IL20RA: variants seen among roughly 807,000 people sequenced by gnomAD.
IL20RA encodes the protein interleukin 20 receptor subunit alpha.
IL20RA carries 29 observed loss-of-function variants against 36.5 expected under a neutral mutation model. The ratio of observed to expected loss-of-function variants is 0.79; its 90% CI spans 0.59 to 1.08. IL20RA has a LOEUF of 1.08. Ranked by LOEUF, IL20RA falls within the 50% of genes least tolerant of loss-of-function variation. IL20RA has a pLI of 0.00. For missense variants in IL20RA, 652 were observed against 668.4 expected (o/e 0.98, Z 0.27); for synonymous variants, 279 against 267.1 (o/e 1.04, Z -0.43).
Position 137,001,820 on chromosome 6 carries a change from G to T in IL20RA, c.1400C>A (p.Ser467Ter). Reference protein sequence around the residue: ...LDPLAQEHTDSEEGPEEEPST... With the variant: ...LDPLAQEHTD Reference sequence around the variant, plus strand: ...TGGCTCTTCCTCCGGCCCCTCCTCCGAGTCTGTGTGCTCCTGCGCCAGGGG... The same window carrying T: ...TGGCTCTTCCTCCGGCCCCTCCTCCTAGTCTGTGTGCTCCTGCGCCAGGGG... Residue 467 changes from serine to a stop codon, truncating the protein, a stop_gained, in exon 7 of 7, where the codon TCG becomes TAG. Transcript: ENST00000316649. LOFTEE classifies it low-confidence loss of function (END_TRUNC). 8 of 1,613,468 alleles carry T rather than the reference G, an allele frequency of 5.0e-6. No homozygotes were observed. The South Asian group carries it at 8.8e-5, about 18-fold the overall frequency.
chr6:137,024,751 T>C lies in IL20RA; in HGVS notation c.89-7648A>G, dbSNP rs564032106. Among the ~76,000 whole-genome samples the C allele has an allele frequency of 9.2e-5, 14 of 152,342 alleles. No individual in the cohort carries two copies. The East Asian group carries it at 2.3e-3, about 25-fold the overall frequency. Reference sequence around the variant, plus strand: ...CCCTTGGTTTTCCATGTGTGCATCATTGAATAAATACTGGCTTGTGCTATT... The same window carrying C: ...CCCTTGGTTTTCCATGTGTGCATCACTGAATAAATACTGGCTTGTGCTATT... On this transcript the variant is annotated intron_variant, in intron 1 of 6. Transcript: ENST00000316649.
chr6:137,009,589 A>G, intron 3 of IL20RA, 97 bp from the exon 4 acceptor site: 1 of 585,516 alleles, frequency 1.7e-6, no homozygotes, highest in Non-Finnish European at 2.9e-6. Flanking sequence ...GCCCTAAAAG[A>G]CATCCTTTTT....
At chr6:137,017,515 G>T (rs1376967003) in intron 1 of IL20RA, among the ~76,000 whole-genome samples, 13 of 152,092 alleles carry the variant, frequency 8.5e-5, no homozygotes, top group Non-Finnish European at 1.5e-5. Flanking sequence ...GAATCATCTG[G>T]CAGAGCCCCA....
At chr6:137,021,415 A>G (rs1775898937) in intron 1 of IL20RA, among the ~76,000 whole-genome samples, 1 of 151,962 alleles carries the variant, frequency 6.6e-6, no homozygotes, top group Non-Finnish European at 1.5e-5. Flanking sequence ...CTGTAACCCC[A>G]GCACTTTGGG....
At chr6:137,010,538 C>T (rs926416141) in intron 3 of IL20RA, among the ~76,000 whole-genome samples, 6 of 152,122 alleles carry the variant, frequency 3.9e-5, no homozygotes, top group African/African-American at 9.7e-5. Flanking sequence ...ACCTCTGATC[C>T]GGAAGGGCTC....
intron 2 of IL20RA, among the ~76,000 whole-genome samples, chr6:137,012,192 C>T (rs992103050): frequency 2.6e-5 from 4 of 152,048 alleles, no homozygotes; most frequent in African/African-American, 9.7e-5. Context: ...GCCTAGGGAA[C>T]AGCTGAGAGG....
At chr6:137,008,837 C>T in intron 4 of IL20RA, 94 bp from the exon 5 acceptor site, 1 of 595,834 alleles carries the variant, frequency 1.7e-6, no homozygotes, top group East Asian at 4.4e-5. Context: ...GACCAAGGCA[C>T]CATTTAATTC....
intron 6 of IL20RA, among the ~76,000 whole-genome samples, chr6:137,002,879 T>C (rs1216118480): frequency 6.6e-6 from 1 of 152,186 alleles, no homozygotes; most frequent in African/African-American, 2.4e-5. Context: ...TGAGCAGGGA[T>C]GGTTTTTACC....
intron 5 of IL20RA, 35 bp downstream of exon 5, chr6:137,008,564 C>G (rs761046787): frequency 1.3e-6 from 2 of 1,546,512 alleles, no homozygotes; most frequent in Non-Finnish European, 1.7e-6. Context: ...TAGCAGATCT[C>G]CTTCCTAGAC....
chr6:137,032,742 T>C lies in IL20RA; in HGVS notation c.88+11899A>G, dbSNP rs1776341669. 2.0e-5 allele frequency among the ~76,000 whole-genome samples: 3 copies of C among 152,206 alleles called. No homozygotes were observed. In the South Asian group the frequency reaches 6.2e-4, roughly 32 times the overall value. On this transcript the variant is annotated intron_variant, in intron 1 of 6. Coordinates refer to ENST00000316649, the MANE Select transcript of IL20RA (RefSeq NM_014432.4). ...CAATCACACACCAGGAAGATAGAAG[T>C]GTTCGGTAGCCATCAAGAACACTAT...
At chr6:137,040,930 C>A (rs1482553203) in intron 1 of IL20RA, among the ~76,000 whole-genome samples, 3 of 152,134 alleles carry the variant, frequency 2.0e-5, no homozygotes, top group African/African-American at 7.2e-5. Flanking sequence ...ATTTATTAGT[C>A]ACACAGTGAA....
At chr6:137,035,374 A>C (rs1582840427) in intron 1 of IL20RA, among the ~76,000 whole-genome samples, 1 of 152,222 alleles carries the variant, frequency 6.6e-6, no homozygotes, top group Non-Finnish European at 1.5e-5. Context: ...AGTTTAAAGG[A>C]CCTTCCTATA....
chr6:137,011,545 G>T, intron 2 of IL20RA, 93 bp from the exon 3 acceptor site: 1 of 806,194 alleles, frequency 1.2e-6, no homozygotes, highest in Non-Finnish European at 1.8e-6. Context: ...TGGAACTGAC[G>T]ACCTTCTCTT....
chr6:137,027,846 C>T (rs963383767), intron 1 of IL20RA, among the ~76,000 whole-genome samples: 5 of 152,116 alleles, frequency 3.3e-5, no homozygotes, highest in East Asian at 1.9e-4. Flanking sequence ...ACAGGGCTCT[C>T]GCCTGGGATA....
intron 1 of IL20RA, among the ~76,000 whole-genome samples, chr6:137,019,060 G>A (rs1582827739): frequency 6.6e-6 from 1 of 152,118 alleles, no homozygotes; most frequent in African/African-American, 2.4e-5. Context: ...AGATAGTATA[G>A]TCCAGGCATA....
intron 1 of IL20RA, among the ~76,000 whole-genome samples, chr6:137,027,063 A>G (rs1776115600): frequency 1.3e-5 from 2 of 151,774 alleles, no homozygotes; most frequent in African/African-American, 4.8e-5. Context: ...TTGTATTTTT[A>G]GTGAGATGGG....
At chr6:137,033,315 T>A (rs1776364172) in intron 1 of IL20RA, among the ~76,000 whole-genome samples, 1 of 152,252 alleles carries the variant, frequency 6.6e-6, no homozygotes, top group Non-Finnish European at 1.5e-5. Flanking sequence ...ACCCTAATTC[T>A]GGGATGATTT....
chr6:137,031,577 T>C (rs1383199896), intron 1 of IL20RA, among the ~76,000 whole-genome samples: 1 of 152,208 alleles, frequency 6.6e-6, no homozygotes, highest in Non-Finnish European at 1.5e-5. Context: ...AGGTGTGTAG[T>C]GGTAGGCTAT....
At chr6:137,041,445 A>G (rs1776689282) in intron 1 of IL20RA, among the ~76,000 whole-genome samples, 1 of 152,176 alleles carries the variant, frequency 6.6e-6, no homozygotes, top group Admixed American at 6.5e-5. Flanking sequence ...TCTTTGTGCT[A>G]TTTCTGAAAC....
Sources: allele counts gnomAD v4.1 joint callset (sites outside exome capture counted in the v4.1 genomes callset), GRCh38; gene constraint gnomAD v4.1.1; transcripts MANE v1.5; gene names NCBI Gene and HGNC (gene_info 2026-07-23, HGNC 2026-07-21).